Variants in LRP8 observed in about 807,000 individuals in gnomAD.
LRP8 encodes the protein low-density lipoprotein receptor-related protein 8.
In LRP8, 46 loss-of-function variants were observed where a neutral mutation model predicts 111.6. The observed-to-expected ratio is 0.41, with a 90% confidence interval of 0.33 to 0.53. The LOEUF is 0.53. Among genes scored for constraint, LRP8 ranks in the 20% least tolerant of loss-of-function variants. The pLI, the probability that LRP8 is intolerant of heterozygous loss-of-function variation, is 0.20. For synonymous variants in LRP8, 464 were observed against 511.2 expected (o/e 0.91, Z 1.24); for missense variants, 959 against 1,297.4 (o/e 0.74, Z 4.01).
chr1:53,263,542 G>A (rs144499020), intron 10 of LRP8, among the ~76,000 whole-genome samples: 1 of 152,300 alleles, frequency 6.6e-6, no homozygotes, highest in African/African-American at 2.4e-5. Flanking sequence ...CCAAAACTGA[G>A]GGGTGGCCAG....
chr1:53,248,570 C>T (rs1183037927), intron 18 of LRP8, among the ~76,000 whole-genome samples: 1 of 152,250 alleles, frequency 6.6e-6, no homozygotes, highest in Non-Finnish European at 1.5e-5. Context: ...TATTCAATTT[C>T]TATGAGTCTC....
intron 2 of LRP8, among the ~76,000 whole-genome samples, chr1:53,306,522 G>A (rs552573565): frequency 8.5e-5 from 13 of 152,330 alleles, no homozygotes; most frequent in Non-Finnish European, 1.2e-4. Context: ...GAGCTGCTGC[G>A]TGGCTTTGAG....
chr1:53,320,257 C>T (rs1254881378), intron 2 of LRP8, among the ~76,000 whole-genome samples: 3 of 152,230 alleles, frequency 2.0e-5, no homozygotes, highest in Non-Finnish European at 4.4e-5. Context: ...AGCCCAAAGC[C>T]CTTCGGTACT....
intron 3 of LRP8, among the ~76,000 whole-genome samples, chr1:53,287,147 G>A (rs184808993): frequency 1.9e-4 from 29 of 152,364 alleles, no homozygotes; most frequent in Non-Finnish European, 3.1e-4. Flanking sequence ...CTGGTGGGCC[G>A]TGGAGGTTGC....
At chr1:53,264,127 C>T in intron 10 of LRP8, 42 bp downstream of exon 10, 2 of 1,580,276 alleles carry the variant, frequency 1.3e-6, no homozygotes, top group African/African-American at 1.3e-5. Context: ...GAGGACTGAG[C>T]ACCTATGGTG....
chr1:53,325,465 A>T (rs910963330), intron 2 of LRP8, among the ~76,000 whole-genome samples: 2 of 152,228 alleles, frequency 1.3e-5, no homozygotes, highest in African/African-American at 4.8e-5. Flanking sequence ...CGCTTCTAGA[A>T]CTGGTCCTCA....
intron 4 of LRP8, among the ~76,000 whole-genome samples, chr1:53,278,371 G>T (rs1646995253): frequency 6.6e-6 from 1 of 152,238 alleles, no homozygotes; most frequent in South Asian, 2.1e-4. Flanking sequence ...CAGTGGCTGT[G>T]GCCAAAGGTG....
At chr1:53,292,721 G>C (rs1183546505) in intron 2 of LRP8, among the ~76,000 whole-genome samples, 2 of 152,174 alleles carry the variant, frequency 1.3e-5, no homozygotes, top group African/African-American at 4.8e-5. Flanking sequence ...CTCATGGCAG[G>C]GGGCCTGCTA....
At position 53,247,056 on chromosome 1, in the gene LRP8, G is replaced by T; in HGVS notation, c.2854C>A (p.Arg952=). 6.3e-7 allele frequency: 1 copy of T among 1,594,436 alleles called. No individual in the cohort carries two copies. The highest frequency in any genetic ancestry group is 1.2e-5 in the South Asian group (1 of 86,744). The change falls in exon 19 of 19, where the codon CGA becomes AGA. Residue 952 remains arginine (R), a splice_region_variant and synonymous_variant. Transcript: ENST00000306052. The part of the protein sequence containing the change: ...LSELPVVKSK[R]VALSLEDDGL... The stretch of plus-strand genomic sequence containing the variant: ...TCATCTTCAAGGCTTAATGCCACTC[G>T]CTGGGGAGACAAACCAAAGAATTCA...
rs1236412917 is a variant in LRP8, at chr1:53,303,307, C to A, written c.245-13618G>T. 1.3e-5 allele frequency among the ~76,000 whole-genome samples: 2 copies of A among 152,220 alleles called. No homozygotes were observed. The highest frequency in any genetic ancestry group is 2.4e-5 in the African/African-American group (1 of 41,474). On this transcript the variant is annotated intron_variant, in intron 2 of 18. Coordinates refer to ENST00000306052, the MANE Select transcript of LRP8 (RefSeq NM_004631.5). This position sits in a 1 kb window ranked among gnomAD's most constrained non-coding sequence, Gnocchi z 4.3. ...AGTGAGGTGGTGGGGAGCAGCCAGT[C>A]CTCACAGGGCCTGTGGGAGGCTCTG...
At chr1:53,274,820 T>A in intron 6 of LRP8, 1 of 456,288 alleles carries the variant, frequency 2.2e-6, no homozygotes. Flanking sequence ...ACAGGGTGAC[T>A]CTGTTGGGCC....
intron 2 of LRP8, among the ~76,000 whole-genome samples, chr1:53,323,827 A>C (rs1224602311): frequency 1.3e-5 from 2 of 152,244 alleles, no homozygotes; most frequent in African/African-American, 4.8e-5. Flanking sequence ...ATATAGGAAC[A>C]ATACCACCTG....
chr1:53,266,391 G>T lies in LRP8; in HGVS notation c.1427+82C>A. ...TCTGTCCTGAGGAGCTCTAGAGGCA[G>T]ACACCACTCCTCCCCTCCTCACCTG... is the stretch of plus-strand genomic sequence containing the variant. On this transcript the variant is annotated intron_variant, in intron 9 of 18. Coordinates refer to ENST00000306052, the MANE Select transcript of LRP8 (RefSeq NM_004631.5). This position sits in a 1 kb window ranked among gnomAD's most constrained non-coding sequence, Gnocchi z 5.0. 2 of 1,451,124 alleles carry T rather than the reference G, an allele frequency of 1.4e-6. No individual in the cohort carries two copies. The highest frequency in any genetic ancestry group is 1.3e-5 in the South Asian group (1 of 79,628). 89.9% of individuals were successfully genotyped at this position (1,451,124 alleles called of 1,614,324 possible).
intron 2 of LRP8, among the ~76,000 whole-genome samples, chr1:53,308,141 A>G (rs1307857427): frequency 2.6e-5 from 4 of 152,208 alleles, no homozygotes; most frequent in Admixed American, 6.5e-5. Flanking sequence ...CTTTCCTGAC[A>G]TGGAGGTGGG....
At position 53,298,332 on chromosome 1, in the gene LRP8, C is replaced by T. The variant is rs545530506; in HGVS notation, c.245-8643G>A. Among the ~76,000 whole-genome samples the T allele has an allele frequency of 1.8e-4, 27 of 152,272 alleles. 1 individual carries two copies. In the South Asian group the frequency reaches 3.7e-3, roughly 21 times the overall value. ...ATTTGTGGTTGCAGGAGGTATTGAA[C>T]GAGTGACAGCTGAGGGGCTGGGAGG... On this transcript the variant is annotated intron_variant, in intron 2 of 18. Transcript: ENST00000306052.
At chr1:53,282,208 A>G (rs1647136488) in intron 3 of LRP8, among the ~76,000 whole-genome samples, 1 of 152,196 alleles carries the variant, frequency 6.6e-6, no homozygotes, top group African/African-American at 2.4e-5. Flanking sequence ...CACTACTGCC[A>G]TGGGAGAAGA....
chr1:53,298,849 C>G (rs1474538442), intron 2 of LRP8, among the ~76,000 whole-genome samples: 3 of 152,248 alleles, frequency 2.0e-5, no homozygotes, highest in African/African-American at 7.2e-5. Flanking sequence ...TTCTTGCCAC[C>G]AGCCCTCTGA....
At position 53,279,466 on chromosome 1, in the gene LRP8, A is replaced by C. The variant is rs1253632706; in HGVS notation, c.496+1121T>G. Among the ~76,000 whole-genome samples, 3 of 152,334 alleles carry C rather than the reference A, an allele frequency of 2.0e-5. No homozygotes were observed. The highest frequency in any genetic ancestry group is 2.1e-4 in the South Asian group (1 of 4,828). On this transcript the variant is annotated intron_variant, in intron 4 of 18. Coordinates refer to ENST00000306052, the MANE Select transcript of LRP8 (RefSeq NM_004631.5). This position sits in a 1 kb window ranked among gnomAD's most constrained non-coding sequence, Gnocchi z 4.4. ...TTCTCATTGGCCAGTGAGTCCCAGC[A>C]AAATTATCACAGCTGAGGAAGTGAG... is the stretch of plus-strand genomic sequence containing the variant.
At chr1:53,285,760 C>T (rs996355455) in intron 3 of LRP8, among the ~76,000 whole-genome samples, 2 of 152,214 alleles carry the variant, frequency 1.3e-5, no homozygotes, top group African/African-American at 2.4e-5. Context: ...CATCCCAGGA[C>T]AGCCACTCCC....
Sources: gnomAD v4.1 joint callset for allele counts (sites outside exome capture counted in the v4.1 genomes callset) on GRCh38, gnomAD v4.1.1 for gene constraint, Gnocchi (gnomAD v3.1) non-coding constraint, MANE v1.5 for transcripts, NCBI Gene and HGNC (gene_info 2026-07-23, HGNC 2026-07-21) for gene names.